Variants in PCDHGB7 observed in about 807,000 individuals in gnomAD.
PCDHGB7 encodes protocadherin gamma-B7.
PCDHGB7 carries 37 observed loss-of-function variants against 61.4 expected under a neutral mutation model. The observed-to-expected ratio is 0.60, with a 90% CI of 0.46 to 0.79. PCDHGB7 has a LOEUF of 0.79. PCDHGB7 is among the 30% of genes least tolerant of loss of function. The pLI is 0.00. For synonymous variants in PCDHGB7, 464 were observed against 503.5 expected (o/e 0.92, Z 1.05); for missense variants, 1,166 against 1,202.5 (o/e 0.97, Z 0.45).
At chr5:141,466,027 CAGG>C (rs1174989171) in intron 1 of PCDHGB7, among the ~76,000 whole-genome samples, 1 of 151,890 alleles carries the variant, frequency 6.6e-6, no homozygotes, top group African/African-American at 2.4e-5. Context: ...GAGGGTGAGG[CAGG>C]AGAACGGCAT....
intron 1 of PCDHGB7, among the ~76,000 whole-genome samples, chr5:141,455,160 G>GTT (rs59530096): frequency 1.3e-4 from 20 of 149,232 alleles, no homozygotes; most frequent in South Asian, 1.1e-3. Flanking sequence ...TAGTTTGTTG[G>GTT]TTTTTTTTTT....
rs2154586601 is a variant in PCDHGB7, at chr5:141,491,555, A to G, written c.2416-3252A>G. The G allele has an allele frequency of 6.2e-7, 1 of 1,613,986 alleles. No homozygotes were observed. The highest frequency in any genetic ancestry group is 2.2e-5 in the East Asian group (1 of 44,862). ...CTGCGGCCCACAGACTCGCAGAGCC[A>G]CTGCTACAGGACGTGCTTTTCACCG... On this transcript the variant is annotated intron_variant, in intron 1 of 3. Transcript: ENST00000398594. This position sits in a 1 kb window ranked among gnomAD's most constrained non-coding sequence, Gnocchi z 6.9.
chr5:141,455,919 A>T, intron 1 of PCDHGB7, among the ~76,000 whole-genome samples: 1 of 145,568 alleles, frequency 6.9e-6, no homozygotes, highest in Non-Finnish European at 1.5e-5. Context: ...TTATTTTGAG[A>T]CGGAGTCTCG....
intron 1 of PCDHGB7, among the ~76,000 whole-genome samples, chr5:141,484,730 G>T (rs1231473842): frequency 6.6e-6 from 1 of 151,728 alleles, no homozygotes; most frequent in Non-Finnish European, 1.5e-5. Context: ...GGGGTCAGTC[G>T]GTGTGTTAGG....
At position 141,476,668 on chromosome 5, in the gene PCDHGB7, G is replaced by A; in HGVS notation, c.2416-18139G>A. The A allele has an allele frequency of 6.2e-7, 1 of 1,614,262 alleles. No individual in the cohort carries two copies. Among genetic ancestry groups the A allele is most frequent in the Non-Finnish European group, 8.5e-7 (1 of 1,180,054 alleles). On this transcript the variant is annotated intron_variant, in intron 1 of 3. Transcript: ENST00000398594. This position sits in a 1 kb window ranked among gnomAD's most constrained non-coding sequence, Gnocchi z 7.6. ...GAAATGAATACTTTGCGCTTCGCGT[G>A]CAGACGCGGGAGGACAGCACCAAGT...
rs1283050252 is a variant in PCDHGB7, at chr5:141,512,909, T to G, written c.*1736T>G. ...CCTCTTCCTGTGTCTCACGCAAGTT[T>G]TATACTCTAATATTTATATGGCTTT... On this transcript the variant is annotated 3_prime_UTR_variant, in exon 4 of 4. Coordinates refer to ENST00000398594, the MANE Select transcript of PCDHGB7 (RefSeq NM_018927.4). 6.6e-6 allele frequency: 1 copy of G among 152,268 alleles called. No homozygotes were observed. The highest frequency in any genetic ancestry group is 1.5e-5 in the Non-Finnish European group (1 of 68,056). 9.4% of individuals were successfully genotyped at this position (152,268 alleles called of 1,614,324 possible).
In PCDHGB7 at chr5:141,477,602, C is replaced by G. The variant is rs772296229; in HGVS notation, c.2416-17205C>G. ...GCAGAATGCTCGGCTTTCTTTCTTT[C>G]TCTTGGAGCAAGGAGCTGAAACCGG... On this transcript the variant is annotated intron_variant, in intron 1 of 3. Coordinates refer to ENST00000398594, the MANE Select transcript of PCDHGB7 (RefSeq NM_018927.4). This position sits in a 1 kb window ranked among gnomAD's most constrained non-coding sequence, Gnocchi z 4.9. 6.2e-7 allele frequency: 1 copy of G among 1,614,098 alleles called. No homozygotes were observed. Among genetic ancestry groups the G allele is most frequent in the East Asian group, 2.2e-5 (1 of 44,898 alleles).
chr5:141,477,804 A>G lies in PCDHGB7; in HGVS notation c.2416-17003A>G. The G allele has an allele frequency of 6.2e-7, 1 of 1,614,088 alleles. No individual in the cohort carries two copies. ...ATATTTGTCACTGATCGCAATGACA[A>G]TGCCCCCCAGGTCCTATATCCTCGG... On this transcript the variant is annotated intron_variant, in intron 1 of 3. Transcript: ENST00000398594. The surrounding 1 kb of genome is among the most constrained non-coding windows in gnomAD (Gnocchi z 4.9).
chr5:141,420,846 T>C (rs2096528755), intron 1 of PCDHGB7, among the ~76,000 whole-genome samples: 1 of 152,252 alleles, frequency 6.6e-6, no homozygotes, highest in Non-Finnish European at 1.5e-5. Context: ...GTGTTCTTGG[T>C]AAAGTTTTAA....
chr5:141,478,073 G>A (rs756198123), intron 1 of PCDHGB7: 1 of 1,614,098 alleles, frequency 6.2e-7, no homozygotes, highest in Admixed American at 1.7e-5. Context: ...AGACAATGGG[G>A]AGCCTTCGCT....
At chr5:141,427,470 G>A (rs765970767) in intron 1 of PCDHGB7, 8 of 509,992 alleles carry the variant, frequency 1.6e-5, no homozygotes, top group African/African-American at 7.7e-5. Flanking sequence ...CGAATCTTCC[G>A]CCAATAATGA....
chr5:141,500,461 G>A (rs1343646600), intron 2 of PCDHGB7, among the ~76,000 whole-genome samples: 1 of 151,910 alleles, frequency 6.6e-6, no homozygotes, highest in Non-Finnish European at 1.5e-5. Flanking sequence ...CGCCCGCCTC[G>A]GCCTCCCAAA....
Position 141,432,602 on chromosome 5 carries a change from G to A in PCDHGB7, c.2415+12328G>A. The A allele has an allele frequency of 6.2e-7, 1 of 1,613,966 alleles. No homozygotes were observed. Among genetic ancestry groups the A allele is most frequent in the Non-Finnish European group, 8.5e-7 (1 of 1,179,972 alleles). On this transcript the variant is annotated intron_variant, in intron 1 of 3. Transcript: ENST00000398594. This position sits in a 1 kb window ranked among gnomAD's most constrained non-coding sequence, Gnocchi z 6.0. ...CCGTCTGCTCAAGGCCAGCGAGCCG[G>A]GACTCTTCTCGGTGGGTCTGCACAC...
chr5:141,490,288 G>T lies in PCDHGB7; in HGVS notation c.2416-4519G>T, dbSNP rs2099698282. 1.2e-6 allele frequency: 2 copies of T among 1,614,080 alleles called. No homozygotes were observed. Among genetic ancestry groups the T allele is most frequent in the South Asian group, 1.1e-5 (1 of 91,092 alleles). On this transcript the variant is annotated intron_variant, in intron 1 of 3. Transcript: ENST00000398594. This position sits in a 1 kb window ranked among gnomAD's most constrained non-coding sequence, Gnocchi z 5.4. ...GGATGTCAATGACAATGCCCCAGAG[G>T]TGCTATTGGCCTCTTTGGCCAACCC...
At chr5:141,424,120 C>A in intron 1 of PCDHGB7, 2 of 650,838 alleles carry the variant, frequency 3.1e-6, no homozygotes, top group Non-Finnish European at 3.9e-6. Context: ...AAATTTTGAT[C>A]CTGTTGATTT....
intron 1 of PCDHGB7, chr5:141,484,865 G>A (rs1431313212): frequency 3.6e-6 from 1 of 278,548 alleles, no homozygotes; most frequent in Non-Finnish European, 6.7e-6. Flanking sequence ...GGGTGGGGGA[G>A]CGTGGAGGAT....
chr5:141,446,138 T>C (rs1254949926), intron 1 of PCDHGB7, among the ~76,000 whole-genome samples: 1 of 152,208 alleles, frequency 6.6e-6, no homozygotes, highest in African/African-American at 2.4e-5. Context: ...GACTTAATAA[T>C]GGAATAGGTG....
At position 141,420,175 on chromosome 5, in the gene PCDHGB7, T is replaced by C. The variant is rs901184536; in HGVS notation, c.2316T>C (p.Asp772=). 6 of 1,614,004 alleles carry C rather than the reference T, an allele frequency of 3.7e-6. No homozygotes were observed. Among genetic ancestry groups the C allele is most frequent in the Non-Finnish European group, 5.1e-6 (6 of 1,179,872 alleles). ...NPEFNFFTSV[D]HCPATQDNLN... ...AATTTAATTTTTTCACATCTGTTGA[T>C]CATTGTCCAGCCACACAAGATAACC... The change falls in exon 1 of 4, where the codon GAT becomes GAC. Residue 772 remains aspartate (D), a synonymous_variant. Coordinates refer to ENST00000398594, the MANE Select transcript of PCDHGB7 (RefSeq NM_018927.4).
chr5:141,485,358 G>A lies in PCDHGB7; in HGVS notation c.2416-9449G>A, dbSNP rs372994272. The A allele has an allele frequency of 1.2e-6, 2 of 1,614,100 alleles. No homozygotes were observed. Among genetic ancestry groups the A allele is most frequent in the Admixed American group, 3.3e-5 (2 of 60,002 alleles). ...CTGGATACGGACAGTCTGTCAGCTC[G>A]CAGGCTGCAGGTCGCTGGAGAGGTG... is the stretch of plus-strand genomic sequence containing the variant. On this transcript the variant is annotated intron_variant, in intron 1 of 3. Transcript: ENST00000398594. This position sits in a 1 kb window ranked among gnomAD's most constrained non-coding sequence, Gnocchi z 5.7.
Sources: allele counts gnomAD v4.1 joint callset (sites outside exome capture counted in the v4.1 genomes callset), GRCh38; gene constraint gnomAD v4.1.1; non-coding constraint Gnocchi (gnomAD v3.1); transcripts MANE v1.5; gene names NCBI Gene and HGNC (gene_info 2026-07-23, HGNC 2026-07-21).